Variants in PLXNA4 observed in about 807,000 individuals in gnomAD.
The protein encoded by PLXNA4 is plexin-A4.
In PLXNA4, 44 loss-of-function variants were observed where a neutral mutation model predicts 191.8. That is an observed-to-expected ratio of 0.23 (90% confidence interval 0.18 to 0.29). The LOEUF is 0.29. PLXNA4 is among the 10% of genes least tolerant of loss of function. PLXNA4 has a pLI of 1.00. For missense variants in PLXNA4, 1,800 were observed against 2,488.8 expected (o/e 0.72, Z 5.89); for synonymous variants, 1,082 against 1,009.5 (o/e 1.07, Z -1.36).
At chr7:132,187,060 G>A (rs1796902503) in intron 15 of PLXNA4, among the ~76,000 whole-genome samples, 4 of 152,120 alleles carry the variant, frequency 2.6e-5, no homozygotes, top group South Asian at 4.2e-4. Flanking sequence ...GACCAGTAAC[G>A]TGGCTCAACT....
intron 2 of PLXNA4, among the ~76,000 whole-genome samples, chr7:132,602,134 G>A (rs1802832579): frequency 6.6e-6 from 1 of 152,158 alleles, no homozygotes; most frequent in South Asian, 2.1e-4. Context: ...TTCAGACTCT[G>A]GTATGATTTT....
chr7:132,422,431 T>TG (rs1794882636), intron 3 of PLXNA4, among the ~76,000 whole-genome samples: 1 of 152,128 alleles, frequency 6.6e-6, no homozygotes, highest in African/African-American at 2.4e-5. Context: ...TTACCCAAAG[T>TG]CACACAGCTG....
At chr7:132,503,504 T>TC (rs1798337513) in intron 2 of PLXNA4, among the ~76,000 whole-genome samples, 2 of 151,492 alleles carry the variant, frequency 1.3e-5, no homozygotes, top group East Asian at 2.0e-4. Context: ...GAGTGTCAGG[T>TC]CCCCCCCAGA....
intron 1 of PLXNA4, among the ~76,000 whole-genome samples, chr7:132,562,441 ATCC>A (rs1292276119): frequency 7.0e-5 from 2 of 28,606 alleles, no homozygotes; most frequent in African/African-American, 1.5e-4. Context: ...TTTCCTCTTC[ATCC>A]TCCTCCTCCT....
At chr7:132,177,746 T>C in intron 20 of PLXNA4, among the ~76,000 whole-genome samples, 1 of 152,166 alleles carries the variant, frequency 6.6e-6, no homozygotes, top group East Asian at 1.9e-4. Context: ...TCACTACACC[T>C]AATTAGAGGA....
At chr7:132,223,460 A>G in intron 9 of PLXNA4, 67 bp downstream of exon 9, 1 of 1,342,902 alleles carries the variant, frequency 7.4e-7, no homozygotes, top group South Asian at 1.2e-5. Context: ...TCTTAAGGGA[A>G]TGCCTCTCTT....
At chr7:132,237,405 G>A (rs914404443) in intron 5 of PLXNA4, among the ~76,000 whole-genome samples, 5 of 152,124 alleles carry the variant, frequency 3.3e-5, no homozygotes, top group Non-Finnish European at 5.9e-5. Flanking sequence ...GGCACTCTTC[G>A]CAAGGGAGTG....
chr7:132,602,392 C>A lies in PLXNA4; in HGVS notation c.-87+43536G>T, dbSNP rs1033425281. Reference sequence around the variant, plus strand: ...CAGATGACAGCTACATGCTCTATAACCTATACGACCAAGAGACCATGTTGC... The same window carrying A: ...CAGATGACAGCTACATGCTCTATAAACTATACGACCAAGAGACCATGTTGC... On this transcript the variant is annotated intron_variant, in intron 2 of 4. Transcript: ENST00000378539. 2.0e-5 allele frequency among the ~76,000 whole-genome samples: 3 copies of A among 152,184 alleles called. No homozygotes were observed. The East Asian group carries it at 5.8e-4, about 29-fold the overall frequency.
chr7:132,628,423 G>A (rs201774785), intron 2 of PLXNA4, among the ~76,000 whole-genome samples: 1 of 150,198 alleles, frequency 6.7e-6, no homozygotes, highest in Non-Finnish European at 1.5e-5. Context: ...ATGGCATTTT[G>A]AAAATTCATA....
At chr7:132,513,859 G>A (rs1798834444) in intron 1 of PLXNA4, among the ~76,000 whole-genome samples, 1 of 151,756 alleles carries the variant, frequency 6.6e-6, no homozygotes, top group African/African-American at 2.4e-5. Context: ...ACTTTTAGTA[G>A]AGATGGGGTT....
intron 30 of PLXNA4, among the ~76,000 whole-genome samples, chr7:132,135,281 C>G (rs1795079108): frequency 6.6e-6 from 1 of 152,216 alleles, no homozygotes; most frequent in Non-Finnish European, 1.5e-5. Flanking sequence ...AGCTGAGTTC[C>G]AAGCTTCCAC....
In PLXNA4 at chr7:132,474,719, C is replaced by A. The variant is rs116048732; in HGVS notation, c.1371+14573G>T. Among the ~76,000 whole-genome samples, 830 of 152,306 alleles carry A rather than the reference C, an allele frequency of 5.4e-3. 12 individuals carry two copies. The highest frequency in any genetic ancestry group is 0.017 in the African/African-American group (695 of 41,562). The stretch of plus-strand genomic sequence containing the variant: ...TTTGGAGCATCTGCTGTTTCCCCTG[C>A]AGAGCCCCACCTCTGGAGACCTTCC... On this transcript the variant is annotated intron_variant, in intron 3 of 31. Coordinates refer to ENST00000321063, the MANE Select transcript of PLXNA4 (RefSeq NM_020911.2).
intron 9 of PLXNA4, among the ~76,000 whole-genome samples, chr7:132,216,021 G>A (rs2116923463): frequency 6.6e-6 from 1 of 152,360 alleles, no homozygotes. Context: ...CAGAACTGCA[G>A]GTGACAACCT....
chr7:132,525,524 C>T (rs1236241803), intron 1 of PLXNA4, among the ~76,000 whole-genome samples: 1 of 152,200 alleles, frequency 6.6e-6, no homozygotes, highest in Non-Finnish European at 1.5e-5. Flanking sequence ...GCTGGGATTA[C>T]AGGCATGAAA....
At chr7:132,432,186 A>G (rs147727936) in intron 3 of PLXNA4, among the ~76,000 whole-genome samples, 9 of 152,272 alleles carry the variant, frequency 5.9e-5, no homozygotes, top group Admixed American at 3.3e-4. Flanking sequence ...ACGGGGTACC[A>G]GAACTGGTGA....
At chr7:132,307,458 A>G (rs1209440856) in intron 3 of PLXNA4, among the ~76,000 whole-genome samples, 1 of 152,234 alleles carries the variant, frequency 6.6e-6, no homozygotes, top group Non-Finnish European at 1.5e-5. Flanking sequence ...TAGGTGCTCA[A>G]TAAACATTTG....
chr7:132,242,502 T>C (rs1474286654), intron 4 of PLXNA4, among the ~76,000 whole-genome samples: 1 of 152,202 alleles, frequency 6.6e-6, no homozygotes, highest in African/African-American at 2.4e-5. Context: ...AATTAATTAA[T>C]AATTAATTCC....
At chr7:132,417,630 T>C (rs1445006586) in intron 3 of PLXNA4, among the ~76,000 whole-genome samples, 2 of 148,392 alleles carry the variant, frequency 1.3e-5, no homozygotes, top group African/African-American at 5.0e-5. Context: ...TGAATGAATG[T>C]ATATATGTGT....
chr7:132,496,574 T>G (rs888651577), intron 2 of PLXNA4, among the ~76,000 whole-genome samples: 1 of 152,066 alleles, frequency 6.6e-6, no homozygotes, highest in African/African-American at 2.4e-5. Context: ...GCTAATTTTT[T>G]TATTTTTAGT....
Sources: allele counts gnomAD v4.1 joint callset (sites outside exome capture counted in the v4.1 genomes callset), GRCh38; gene constraint gnomAD v4.1.1; transcripts MANE v1.5; gene names NCBI Gene and HGNC (gene_info 2026-07-23, HGNC 2026-07-21).